PPP6R1: variants seen among roughly 807,000 people sequenced by gnomAD.
PPP6R1 encodes the protein protein phosphatase 6 regulatory subunit 1.
PPP6R1 carries 39 observed loss-of-function variants against 104.6 expected under a neutral mutation model. That is an observed-to-expected ratio of 0.37 (90% CI 0.29 to 0.49). The LOEUF is 0.49. PPP6R1 is among the 20% of genes least tolerant of loss of function. The pLI, the probability that PPP6R1 is intolerant of heterozygous loss-of-function variation, is 0.98. For missense variants in PPP6R1, 1,181 were observed against 1,155.8 expected (o/e 1.02, Z -0.32); for synonymous variants, 549 against 479.0 (o/e 1.15, Z -1.91).
At chr19:55,244,096 T>C (rs1232402236) in intron 5 of PPP6R1, among the ~76,000 whole-genome samples, 1 of 152,172 alleles carries the variant, frequency 6.6e-6, no homozygotes, top group South Asian at 2.1e-4. Context: ...GAGAGAAGCA[T>C]AAGCAGAGCT....
rs758117545 is a variant in PPP6R1, at chr19:55,236,644, G to A, written c.1987C>T (p.Arg663Trp). 6.8e-5 allele frequency: 106 copies of A among 1,548,728 alleles called. No individual in the cohort carries two copies. Among genetic ancestry groups the A allele is most frequent in the Middle Eastern group, 1.9e-4 (1 of 5,162 alleles). Reference sequence around the variant, plus strand: ...AAGGGAAACTGGAGGGGGACTCACCGGACACCAGGTGGCTGGCCCAGACGG... The same window carrying A: ...AAGGGAAACTGGAGGGGGACTCACCAGACACCAGGTGGCTGGCCCAGACGG... The part of the protein sequence containing the change: ...GARLGQPPGV[R>W]SGGSTDSEDE... Residue 663 changes from arginine to tryptophan, a missense_variant and splice_region_variant, in exon 17 of 24, where the codon CGG becomes TGG. Arg to Trp is a moderately radical substitution (Grantham distance 101). Around this residue, in one of 2 missense-constraint regions of PPP6R1, gnomAD observed 1,042 missense variants for 955.6 expected, o/e 1.09. Coordinates refer to ENST00000412770, the MANE Select transcript of PPP6R1 (RefSeq NM_014931.4).
At position 55,245,930 on chromosome 19, in the gene PPP6R1, G is replaced by A. The variant is rs546628916; in HGVS notation, c.228-252C>T. 6.6e-6 allele frequency among the ~76,000 whole-genome samples: 1 copy of A among 152,214 alleles called. No individual in the cohort carries two copies. Among genetic ancestry groups the A allele is most frequent in the South Asian group, 2.1e-4 (1 of 4,822 alleles). The stretch of plus-strand genomic sequence containing the variant: ...ACCCCCAAGACAAGCTGGTCCTGAA[G>A]CTCCTGCGCTTCCCAATCCCCCAGC... On this transcript the variant is annotated intron_variant, in intron 2 of 23. Transcript: ENST00000412770. This position sits in a 1 kb window ranked among gnomAD's most constrained non-coding sequence, Gnocchi z 6.4.
At chr19:55,237,333 C>A (rs1229047667) in intron 15 of PPP6R1, among the ~76,000 whole-genome samples, 4 of 152,142 alleles carry the variant, frequency 2.6e-5, no homozygotes, top group African/African-American at 9.7e-5. Flanking sequence ...CTTGGGGCAT[C>A]TGTAGGAGGC....
chr19:55,240,546 CACACACACACAT>C (rs1200777968), intron 10 of PPP6R1, among the ~76,000 whole-genome samples: 5 of 149,802 alleles, frequency 3.3e-5, no homozygotes, highest in East Asian at 2.0e-4. Context: ...CACACACACA[CACACACACACAT>C]GCATGCACTA....
intron 2 of PPP6R1, among the ~76,000 whole-genome samples, chr19:55,246,451 T>A (rs1182599421): frequency 6.6e-6 from 1 of 150,686 alleles, no homozygotes; most frequent in African/African-American, 2.4e-5. Context: ...CAGCATCGCT[T>A]GGATTAAAAA....
At position 55,230,470 on chromosome 19, in the gene PPP6R1, C is replaced by G. The variant is rs952214208; in HGVS notation, c.*58G>C. The G allele has an allele frequency of 5.6e-6, 9 of 1,610,372 alleles. No homozygotes were observed. The African/African-American group carries it at 1.2e-4, about 22-fold the overall frequency. On this transcript the variant is annotated 3_prime_UTR_variant, in exon 24 of 24. Coordinates refer to ENST00000412770, the MANE Select transcript of PPP6R1 (RefSeq NM_014931.4). The stretch of plus-strand genomic sequence containing the variant: ...GCCATCGTGGGACCCGCCCTGCCCC[C>G]ACCCCGGGAGATCCACGGGAGGACG...
At chr19:55,228,656 C>T, downstream of PPP6R1, 2 of 1,598,084 alleles carry the variant, frequency 1.3e-6, no homozygotes, top group Non-Finnish European at 1.7e-6. Flanking sequence ...GGGCCCTGTC[C>T]CCCCAGCCCC....
chr19:55,252,886 T>TG (rs935853259), intron 1 of PPP6R1, among the ~76,000 whole-genome samples: 2 of 151,528 alleles, frequency 1.3e-5, no homozygotes, highest in Middle Eastern at 3.4e-3. Flanking sequence ...TAAAAACTGT[T>TG]GGGGGAAAAA....
At position 55,236,680 on chromosome 19, in the gene PPP6R1, C is replaced by A. The variant is rs769048528; in HGVS notation, c.1951G>T (p.Ala651Ser). The A allele has an allele frequency of 1.2e-6, 2 of 1,601,486 alleles. No homozygotes were observed. The highest frequency in any genetic ancestry group is 4.5e-5 in the East Asian group (2 of 44,792). The change falls in exon 17 of 24, where the codon GCC (alanine) becomes TCC (serine). Residue 651 changes from alanine to serine, a missense_variant. Coordinates refer to ENST00000412770, the MANE Select transcript of PPP6R1 (RefSeq NM_014931.4). The stretch of plus-strand genomic sequence containing the variant: ...GGCTGGCCCAGACGGGCCCCCCTGG[C>A]CAGCTGGCTGCCCTGCCAGGCGCCA... ...EDGAWQGSQL[A>S]RGARLGQPPG...
chr19:55,238,300 A>G (rs1016301331), intron 15 of PPP6R1, among the ~76,000 whole-genome samples: 3 of 152,226 alleles, frequency 2.0e-5, no homozygotes, highest in African/African-American at 4.8e-5. Context: ...AGAAGCAGCC[A>G]ACACAGGATA....
chr19:55,255,841 CTGTGTT>C (rs1478322751), intron 1 of PPP6R1: 2 of 152,680 alleles, frequency 1.3e-5, no homozygotes, highest in East Asian at 3.8e-4. Flanking sequence ...CCCCCCGCAT[CTGTGTT>C]AGAGGCCTGC....
intron 17 of PPP6R1, chr19:55,233,254 T>G (rs2087366023): frequency 6.6e-6 from 1 of 152,150 alleles, no homozygotes; most frequent in Non-Finnish European, 1.5e-5. Context: ...TGTATATAGT[T>G]AAAAGTAAAC....
intron 1 of PPP6R1, among the ~76,000 whole-genome samples, chr19:55,249,202 C>A (rs1045842428): frequency 6.6e-6 from 1 of 152,148 alleles, no homozygotes; most frequent in Non-Finnish European, 1.5e-5. Flanking sequence ...CAGTCCACAG[C>A]ACCCAGTGAC....
intron 10 of PPP6R1, 119 bp downstream of exon 10, chr19:55,240,826 G>T (rs1162577236): frequency 2.0e-5 from 28 of 1,377,950 alleles, no homozygotes; most frequent in Non-Finnish European, 2.7e-5. Context: ...CTGGGCGCTG[G>T]CACCTAACAC....
chr19:55,231,890 G>A lies in PPP6R1; in HGVS notation c.2218C>T (p.Pro740Ser). The change falls in exon 19 of 24, where the codon CCA (proline) becomes TCA (serine). Residue 740 changes from proline to serine, a missense_variant. This residue lies in a region of PPP6R1 where 1,042 missense variants were observed against 955.6 expected (regional missense o/e 1.09). Coordinates refer to ENST00000412770, the MANE Select transcript of PPP6R1 (RefSeq NM_014931.4). ...SGEEELHTGPPAPQGPLSVPQ... is the reference protein window; with the variant it reads ...SGEEELHTGPSAPQGPLSVPQ... The stretch of plus-strand genomic sequence containing the variant: ...ACACTGAGGGGCCCCTGTGGGGCTG[G>A]AGGCCCAGTGTGCAGCTCTTCCTCC... 6.6e-7 allele frequency: 1 copy of A among 1,514,188 alleles called. No individual in the cohort carries two copies. The highest frequency in any genetic ancestry group is 8.9e-7 in the Non-Finnish European group (1 of 1,129,908). 93.8% of individuals were successfully genotyped at this position (1,514,188 alleles called of 1,614,324 possible).
In PPP6R1 at chr19:55,247,071, C is replaced by T. The variant is rs374272891; in HGVS notation, c.33G>A (p.Ser11=). ...CCCGCTCCAGCAGCGTGTCCAGGTG[C>T]GAGCTTGTGTGCAGGTCAAACTTCC... MFWKFDLHTS[S]HLDTLLERED... is the part of the protein sequence containing the mutation. Residue 11 remains serine (S), a synonymous_variant, in exon 2 of 24, where the codon TCG becomes TCA. Coordinates refer to ENST00000412770, the MANE Select transcript of PPP6R1 (RefSeq NM_014931.4). 32 of 1,613,468 alleles carry T rather than the reference C, an allele frequency of 2.0e-5. No individual in the cohort carries two copies. Among genetic ancestry groups the T allele is most frequent in the African/African-American group, 1.6e-4 (12 of 74,932 alleles).
At chr19:55,230,992 C>T (rs1310308169) in intron 21 of PPP6R1, 108 bp from the exon 22 acceptor site, 2 of 961,904 alleles carry the variant, frequency 2.1e-6, no homozygotes, top group Admixed American at 2.1e-5. Context: ...GTGTCTGCCA[C>T]CTGCCCCACG....
At chr19:55,256,097 A>C (rs927591216) in intron 1 of PPP6R1, among the ~76,000 whole-genome samples, 1 of 152,214 alleles carries the variant, frequency 6.6e-6, no homozygotes, top group Admixed American at 6.5e-5. Flanking sequence ...AAAAATGGGC[A>C]GGGGGACCAG....
chr19:55,252,306 C>T (rs565960056), intron 1 of PPP6R1, among the ~76,000 whole-genome samples: 45 of 145,432 alleles, frequency 3.1e-4, no homozygotes, highest in Non-Finnish European at 6.2e-4. Context: ...CTCGGCTCAC[C>T]GCAACCTCCA....
Sources: gnomAD v4.1 joint callset for allele counts (sites outside exome capture counted in the v4.1 genomes callset) on GRCh38, gnomAD v4.1.1 for gene constraint, gnomAD v4.1.1 regional missense constraint, Gnocchi (gnomAD v3.1) non-coding constraint, MANE v1.5 for transcripts, NCBI Gene and HGNC (gene_info 2026-07-23, HGNC 2026-07-21) for gene names.